The following JHY variants were observed in gnomAD, a reference collection of about 807,000 sequenced individuals.
JHY encodes the protein junctional cadherin complex regulator, also known as jhy protein homolog.
A neutral mutation model predicts 78.0 loss-of-function variants in JHY; 69 were observed. The observed-to-expected ratio is 0.88, with a 90% confidence interval of 0.73 to 1.08. JHY has a LOEUF of 1.08. Among genes scored for constraint, JHY ranks in the 50% least tolerant of loss-of-function variants. The pLI is 0.00. For synonymous variants in JHY, 368 were observed against 342.6 expected (o/e 1.07, Z -0.82); for missense variants, 944 against 927.8 (o/e 1.02, Z -0.23).
rs540167522 is a variant in JHY at position 122,919,953 on chromosome 11, T to C, written c.865-4944T>C. Among the ~76,000 whole-genome samples the C allele has an allele frequency of 5.2e-5, 8 of 152,388 alleles. No homozygotes were observed. The South Asian group carries it at 1.7e-3, about 32-fold the overall frequency. On this transcript the variant is annotated intron_variant, in intron 3 of 8. Transcript: ENST00000227349. The stretch of plus-strand genomic sequence containing the variant: ...AACAGCAGAGACAAAATATTTCATG[T>C]CTTTTGCCTCTAAACAGCTGAATAA...
At chr11:122,937,859 T>C (rs1018406368) in intron 5 of JHY, among the ~76,000 whole-genome samples, 3 of 152,184 alleles carry the variant, frequency 2.0e-5, no homozygotes, top group Non-Finnish European at 4.4e-5. Flanking sequence ...GAAATTATCT[T>C]TCTTCTGCCC....
chr11:122,921,978 A>T (rs532813053), intron 3 of JHY, among the ~76,000 whole-genome samples: 1 of 151,578 alleles, frequency 6.6e-6, no homozygotes, highest in South Asian at 2.1e-4. Context: ...AAGATCTGGA[A>T]AAAAAAAAGA....
At chr11:122,887,512 G>T (rs1033545909) in intron 2 of JHY, among the ~76,000 whole-genome samples, 1 of 152,052 alleles carries the variant, frequency 6.6e-6, no homozygotes, top group South Asian at 2.1e-4. Context: ...TAGTAGAGAC[G>T]GGGTTTCACC....
intron 7 of JHY, among the ~76,000 whole-genome samples, chr11:122,957,143 C>A (rs1046160366): frequency 2.6e-5 from 4 of 152,100 alleles, no homozygotes; most frequent in African/African-American, 9.7e-5. Flanking sequence ...GAATACCGGG[C>A]GTGATATTGC....
intron 2 of JHY, among the ~76,000 whole-genome samples, chr11:122,892,358 T>G: frequency 6.6e-6 from 1 of 151,586 alleles, no homozygotes. Context: ...AGTCTTGCAT[T>G]GTCACCCAGG....
At chr11:122,901,869 T>A (rs1203186185) in intron 2 of JHY, among the ~76,000 whole-genome samples, 1 of 148,960 alleles carries the variant, frequency 6.7e-6, no homozygotes, top group East Asian at 2.0e-4. Flanking sequence ...CGAGACTCTG[T>A]CTCAAAAAAA....
intron 6 of JHY, among the ~76,000 whole-genome samples, chr11:122,951,822 GC>G (rs1282482014): frequency 6.6e-6 from 1 of 152,280 alleles, no homozygotes; most frequent in East Asian, 1.9e-4. Flanking sequence ...GGCTGGTCTG[GC>G]CTTAACAATC....
chr11:122,924,849 G>A, intron 3 of JHY, 48 bp from the exon 4 acceptor site: 1 of 1,471,248 alleles, frequency 6.8e-7, no homozygotes, highest in Non-Finnish European at 9.5e-7. Context: ...ATGGCTCTAA[G>A]ACTAAAATGA....
intron 3 of JHY, among the ~76,000 whole-genome samples, chr11:122,923,883 ATTTTTTTTTTT>A (rs760512913): frequency 4.2e-4 from 42 of 100,510 alleles, no homozygotes; most frequent in Middle Eastern, 5.0e-3. Flanking sequence ...CGCCTGGCTA[ATTTTTTTTTTT>A]TTTTTTTTTT....
At position 122,884,899 on chromosome 11, in the gene JHY, T is replaced by G. The variant is rs974344030; in HGVS notation, c.-89-862T>G. Among the ~76,000 whole-genome samples, 8 of 151,720 alleles carry G rather than the reference T, an allele frequency of 5.3e-5. No homozygotes were observed. The East Asian group carries it at 1.6e-3, about 29-fold the overall frequency. On this transcript the variant is annotated intron_variant, in intron 1 of 8. Transcript: ENST00000227349. Reference sequence around the variant, plus strand: ...GCAGCCTCTGCCTGCCCGGCTCGAGTGACCCTCCTCCCACCGCAGTCTCCC... The same window carrying G: ...GCAGCCTCTGCCTGCCCGGCTCGAGGGACCCTCCTCCCACCGCAGTCTCCC...
At position 122,934,329 on chromosome 11, in the gene JHY, T is replaced by C. The variant is rs533837298; in HGVS notation, c.979-91T>C. 6.7e-6 allele frequency: 4 copies of C among 593,800 alleles called. No homozygotes were observed. The Admixed American group carries it at 1.5e-4, about 22-fold the overall frequency. The allele number at this position is 593,800 out of a possible 1,614,324, so 36.8% of individuals were successfully genotyped here. On this transcript the variant is annotated intron_variant, in intron 4 of 8. Coordinates refer to ENST00000227349, the MANE Select transcript of JHY (RefSeq NM_024806.4). ...ACTCCGTCTCAAATAAATAAATAAA[T>C]AAATAAATAAATAAATAAATAAATA...
chr11:122,936,163 T>C (rs1863751514), intron 5 of JHY, among the ~76,000 whole-genome samples: 1 of 152,212 alleles, frequency 6.6e-6, no homozygotes, highest in African/African-American at 2.4e-5. Context: ...CATTTCTTGG[T>C]GTTCTTCGAT....
intron 3 of JHY, chr11:122,905,423 G>T: frequency 2.1e-6 from 3 of 1,413,494 alleles, no homozygotes; most frequent in African/African-American, 2.9e-5. Flanking sequence ...TGTTAAATGT[G>T]GTTGCCCTTA....
At chr11:122,909,972 A>G (rs1384866810) in intron 3 of JHY, among the ~76,000 whole-genome samples, 1 of 152,172 alleles carries the variant, frequency 6.6e-6, no homozygotes, top group Non-Finnish European at 1.5e-5. Flanking sequence ...CATCTGTACA[A>G]AATTGTTCAT....
intron 6 of JHY, among the ~76,000 whole-genome samples, chr11:122,953,660 T>G (rs1004549347): frequency 6.6e-6 from 1 of 151,858 alleles, no homozygotes; most frequent in Non-Finnish European, 1.5e-5. Flanking sequence ...AATGGACAAT[T>G]GTATGAAAGT....
chr11:122,946,997 A>G (rs1863979270), intron 6 of JHY: 2 of 529,380 alleles, frequency 3.8e-6, no homozygotes, highest in South Asian at 5.4e-5. Context: ...TGTTGCTGCC[A>G]GGGATGCCCA....
At chr11:122,884,327 A>G (rs1862449006) in intron 1 of JHY, among the ~76,000 whole-genome samples, 1 of 152,212 alleles carries the variant, frequency 6.6e-6, no homozygotes, top group South Asian at 2.1e-4. Context: ...AGGAATAGTA[A>G]TAAGGTTGTG....
chr11:122,920,006 T>C (rs901567281), intron 3 of JHY, among the ~76,000 whole-genome samples: 3 of 152,234 alleles, frequency 2.0e-5, no homozygotes, highest in Admixed American at 2.0e-4. Context: ...TTGAAACAGC[T>C]GTGCTAAATA....
intron 4 of JHY, among the ~76,000 whole-genome samples, chr11:122,927,725 T>C (rs113254631): frequency 0.036 from 5,182 of 145,476 alleles, 280 homozygotes; most frequent in African/African-American, 0.13. Context: ...TCTTTTCTTT[T>C]CTTTTTTCTT....
Sources: allele counts gnomAD v4.1 joint callset (sites outside exome capture counted in the v4.1 genomes callset), GRCh38; gene constraint gnomAD v4.1.1; transcripts MANE v1.5; gene names NCBI Gene and HGNC (gene_info 2026-07-23, HGNC 2026-07-21).